Variants in CAMK1G observed in about 807,000 individuals in gnomAD.
The protein encoded by CAMK1G is calcium/calmodulin-dependent protein kinase type 1G.
A neutral mutation model predicts 54.8 loss-of-function variants in CAMK1G; 27 were observed. The observed-to-expected ratio is 0.49, with a 90% CI of 0.36 to 0.68. The LOEUF (loss-of-function observed/expected upper bound fraction) is 0.68, where lower values mean the gene tolerates loss of function less well. Among genes scored for constraint, CAMK1G ranks in the 30% least tolerant of loss-of-function variants. The pLI, the probability that CAMK1G is intolerant of heterozygous loss-of-function variation, is 0.00. For missense variants in CAMK1G, 512 were observed against 591.0 expected, an observed-to-expected ratio of 0.87 and a Z score of 1.39; for synonymous variants, 238 against 224.9, an observed-to-expected ratio of 1.06 and a Z score of -0.52.
chr1:209,604,882 G>A (rs1665609820), intron 4 of CAMK1G, among the ~76,000 whole-genome samples: 1 of 152,154 alleles, frequency 6.6e-6, no homozygotes, highest in African/African-American at 2.4e-5. Flanking sequence ...TCTGTCTTAG[G>A]AGGAAGAGTG....
chr1:209,591,570 C>T (rs551705906), intron 1 of CAMK1G, among the ~76,000 whole-genome samples: 66 of 152,320 alleles, frequency 4.3e-4, no homozygotes, highest in African/African-American at 1.5e-3. Flanking sequence ...TCAAGAGTCT[C>T]GTTTAGCTGA....
chr1:209,606,082 G>T (rs1665642682), intron 5 of CAMK1G, among the ~76,000 whole-genome samples: 1 of 152,058 alleles, frequency 6.6e-6, no homozygotes, highest in Non-Finnish European at 1.5e-5. Flanking sequence ...GGAAGGAAAG[G>T]GTGAGTATAT....
In CAMK1G at chr1:209,612,209, A is replaced by G; in HGVS notation, c.1333A>G (p.Lys445Glu). 6.2e-7 allele frequency: 1 copy of G among 1,613,312 alleles called. No individual in the cohort carries two copies. The highest frequency in any genetic ancestry group is 8.5e-7 in the Non-Finnish European group (1 of 1,179,468). Residue 445 changes from lysine to glutamate, a missense_variant, in exon 11 of 13, where the codon AAA becomes GAA. By Grantham distance (56) the Lys-to-Glu change is moderately conservative (BLOSUM62 1). Around this residue, in one of 3 missense-constraint regions of CAMK1G, gnomAD observed 315 missense variants for 330.5 expected, o/e 0.95. Transcript: ENST00000361322. ...SEPTLLKKAN[K>E]KQNFKSEVMV... ...GCCCACACTCCTCAAAAAGGCCAAC[A>G]AAAAACAGTACGTATTTTTAGCCAA...
chr1:209,599,305 G>C (rs1378218062), intron 2 of CAMK1G, among the ~76,000 whole-genome samples: 3 of 152,114 alleles, frequency 2.0e-5, no homozygotes, highest in Non-Finnish European at 4.4e-5. Flanking sequence ...AACCAGATCA[G>C]CAACATAGTG....
At chr1:209,596,106 C>T (rs1004305027) in intron 2 of CAMK1G, among the ~76,000 whole-genome samples, 5 of 152,222 alleles carry the variant, frequency 3.3e-5, no homozygotes, top group African/African-American at 1.2e-4. Context: ...AGGCAGTGAC[C>T]TCGGGCAATG....
chr1:209,603,034 G>T (rs1201970289), intron 3 of CAMK1G, among the ~76,000 whole-genome samples, 180 bp from the exon 4 acceptor site: 3 of 152,142 alleles, frequency 2.0e-5, no homozygotes, highest in African/African-American at 7.2e-5. Flanking sequence ...CACCTCCACA[G>T]GAATCTTTTC....
chr1:209,599,155 T>C (rs1558138002), intron 2 of CAMK1G, among the ~76,000 whole-genome samples: 1 of 152,138 alleles, frequency 6.6e-6, no homozygotes, highest in African/African-American at 2.4e-5. Flanking sequence ...GAGAACTCAC[T>C]CACTATCCTG....
chr1:209,594,894 G>T, intron 1 of CAMK1G, 61 bp from the exon 2 acceptor site: 2 of 964,278 alleles, frequency 2.1e-6, no homozygotes, highest in East Asian at 2.6e-5. Flanking sequence ...TTTTAATCTT[G>T]TTTGAGAAAG....
At chr1:209,611,630 C>T (rs915476393) in intron 10 of CAMK1G, 78 bp downstream of exon 10, 3 of 1,494,874 alleles carry the variant, frequency 2.0e-6, no homozygotes, top group Non-Finnish European at 2.8e-6. Flanking sequence ...GACATAAGGG[C>T]TTTCCTTGGG....
chr1:209,609,174 G>A lies in CAMK1G; in HGVS notation c.748+82G>A. On this transcript the variant is annotated intron_variant, in intron 8 of 12. Transcript: ENST00000361322. ...GAAATGAGCTTAACAAAGGATGACA[G>A]TCCCGGCTCTTCAAAGTCCCTGGGG... is the stretch of plus-strand genomic sequence containing the variant. 2.6e-6 allele frequency: 4 copies of A among 1,544,272 alleles called. No individual in the cohort carries two copies. The South Asian group carries it at 4.6e-5, about 18-fold the overall frequency.
intron 4 of CAMK1G, 74 bp downstream of exon 4, chr1:209,603,362 G>A (rs1270004925): frequency 1.2e-5 from 13 of 1,123,644 alleles, no homozygotes; most frequent in Admixed American, 1.9e-5. Context: ...GTTGGTCGCT[G>A]GTGAGGGATG....
intron 7 of CAMK1G, among the ~76,000 whole-genome samples, chr1:209,608,264 G>A (rs1487914256): frequency 6.6e-6 from 1 of 152,190 alleles, no homozygotes; most frequent in African/African-American, 2.4e-5. Context: ...GGAATGAACA[G>A]TGAAAAAGAG....
intron 1 of CAMK1G, among the ~76,000 whole-genome samples, chr1:209,587,446 G>A (rs1299146610): frequency 1.3e-5 from 2 of 152,082 alleles, no homozygotes; most frequent in African/African-American, 2.4e-5. Context: ...CGAAATTTGG[G>A]AAATGCCAGA....
At chr1:209,586,499 T>C (rs1430674094) in intron 1 of CAMK1G, among the ~76,000 whole-genome samples, 3 of 152,104 alleles carry the variant, frequency 2.0e-5, no homozygotes, top group Non-Finnish European at 2.9e-5. Context: ...GAAAGGCACG[T>C]GGGAGCTGGA....
chr1:209,603,331 G>T (rs779908520), intron 4 of CAMK1G, 43 bp downstream of exon 4: 2 of 1,516,318 alleles, frequency 1.3e-6, no homozygotes, highest in Non-Finnish European at 1.8e-6. Context: ...GGCCTGGTGG[G>T]GCCTGGGAGG....
chr1:209,602,248 T>C (rs1665548498), intron 3 of CAMK1G, among the ~76,000 whole-genome samples: 1 of 152,140 alleles, frequency 6.6e-6, no homozygotes, highest in South Asian at 2.1e-4. Flanking sequence ...ACCCACTAGA[T>C]GCCAGCAGCA....
intron 1 of CAMK1G, among the ~76,000 whole-genome samples, chr1:209,593,298 A>G (rs1665302268): frequency 6.6e-6 from 1 of 152,196 alleles, no homozygotes. Context: ...TAGAGTCTAC[A>G]AGTAGTTTTT....
intron 3 of CAMK1G, among the ~76,000 whole-genome samples, chr1:209,601,117 T>G (rs1468023513): frequency 6.6e-6 from 1 of 152,200 alleles, no homozygotes; most frequent in Non-Finnish European, 1.5e-5. Context: ...ATTGTCTGAT[T>G]AACATGTTGG....
At chr1:209,603,007 A>G (rs999590807) in intron 3 of CAMK1G, among the ~76,000 whole-genome samples, 2 of 152,244 alleles carry the variant, frequency 1.3e-5, no homozygotes. Context: ...TTATTCATTC[A>G]GTAAACACGG....
Sources: gnomAD v4.1 joint callset for allele counts (sites outside exome capture counted in the v4.1 genomes callset) on GRCh38, gnomAD v4.1.1 for gene constraint, gnomAD v4.1.1 regional missense constraint, MANE v1.5 for transcripts, NCBI Gene and HGNC (gene_info 2026-07-23, HGNC 2026-07-21) for gene names.